ZNF577: variants seen among roughly 807,000 people sequenced by gnomAD.
The protein encoded by ZNF577 is zinc finger protein 577.
A neutral mutation model predicts 13.9 loss-of-function variants in ZNF577; 14 were observed. The ratio of observed to expected loss-of-function variants is 1.00; its 90% CI spans 0.66 to 1.57. ZNF577 has a LOEUF of 1.57. ZNF577 is among the 40% of genes most tolerant of loss of function. ZNF577 has a pLI of 0.00. For missense variants in ZNF577, 555 were observed against 579.2 expected, an observed-to-expected ratio of 0.96 and a Z score of 0.43; for synonymous variants, 203 against 202.9, an observed-to-expected ratio of 1.00 and a Z score of 0.00.
In ZNF577 at chr19:51,868,647, A is replaced by G. The variant is rs1335583169; in HGVS notation, c.*3885T>C. Among the ~76,000 whole-genome samples, 1 of 152,204 alleles carries G rather than the reference A, an allele frequency of 6.6e-6. No homozygotes were observed. The highest frequency in any genetic ancestry group is 2.4e-5 in the African/African-American group (1 of 41,462). On this transcript the variant is annotated 3_prime_UTR_variant, in exon 6 of 6. Coordinates refer to ENST00000638348, the MANE Select transcript of ZNF577 (RefSeq NM_001370449.1). ...ACAGAAGCCCCAGCAAGCACCGGCT[A>G]AGGTTCTGACTACTACCGTCTTCAA... is the stretch of plus-strand genomic sequence containing the variant.
In ZNF577 at chr19:51,887,767, GAAC is replaced by G. The variant is rs1191815472; in HGVS notation, c.-1168_-1166del. On this transcript the variant is annotated 5_prime_UTR_variant, in exon 1 of 6. Coordinates refer to ENST00000638348, the MANE Select transcript of ZNF577 (RefSeq NM_001370449.1). ...CGCAACACGGACCTCACGCGCTAGC[GAAC>G]AACAGAAAAAAAAAAGCGCGCTCTC... is the stretch of plus-strand genomic sequence containing the variant. 5 of 151,094 alleles carry G rather than the reference GAAC, an allele frequency of 3.3e-5. No individual in the cohort carries two copies. The highest frequency in any genetic ancestry group is 1.3e-4 in the Admixed American group (2 of 15,170). 9.4% of individuals were successfully genotyped at this position (151,094 alleles called of 1,614,324 possible). A position where few individuals can be genotyped will look rare whatever the true frequency, so the allele number is the denominator to read the frequency against.
rs1283118457 is a variant in ZNF577 at position 51,869,653 on chromosome 19, C to T, written c.*2879G>A. ...TATTTCTTTTCTCAGTCTCTCGTCC[C>T]CCCTGACGAGAAACACCCACAGGTG... is the stretch of plus-strand genomic sequence containing the variant. On this transcript the variant is annotated 3_prime_UTR_variant, in exon 6 of 6. Coordinates refer to ENST00000638348, the MANE Select transcript of ZNF577 (RefSeq NM_001370449.1). Among the ~76,000 whole-genome samples, 1 of 152,030 alleles carries T rather than the reference C, an allele frequency of 6.6e-6. No homozygotes were observed. Among genetic ancestry groups the T allele is most frequent in the Non-Finnish European group, 1.5e-5 (1 of 68,024 alleles).
intron 8 of ZNF577, among the ~76,000 whole-genome samples, chr19:51,842,253 A>G (rs1244385028): frequency 6.6e-6 from 1 of 152,194 alleles, no homozygotes; most frequent in Non-Finnish European, 1.5e-5. Flanking sequence ...ATAGAAATAT[A>G]GTGCTATGGT....
chr19:51,887,687 G>A lies in ZNF577; in HGVS notation c.-1085C>T, dbSNP rs1167032518. The A allele has an allele frequency of 6.6e-6, 1 of 152,076 alleles. No individual in the cohort carries two copies. Among genetic ancestry groups the A allele is most frequent in the African/African-American group, 2.4e-5 (1 of 41,376 alleles). The allele number at this position is 152,076 out of a possible 1,614,324, so 9.4% of individuals were successfully genotyped here. A position where few individuals can be genotyped will look rare whatever the true frequency, so the allele number is the denominator to read the frequency against. ...GAGACCATGGGCTCCCAGACTCTGG[G>A]AACTCCAACACGACTGCGAAACGAA... On this transcript the variant is annotated 5_prime_UTR_variant, in exon 1 of 6. Coordinates refer to ENST00000638348, the MANE Select transcript of ZNF577 (RefSeq NM_001370449.1).
At chr19:51,878,563 T>C in intron 3 of ZNF577, 48 bp from the exon 4 acceptor site, 1 of 1,608,268 alleles carries the variant, frequency 6.2e-7, no homozygotes, top group Non-Finnish European at 8.5e-7. Context: ...CAATAGATGA[T>C]GCGGAGAAGA....
chr19:51,843,053 C>G (rs17835105), intron 7 of ZNF577: 1 of 151,902 alleles, frequency 6.6e-6, no homozygotes, highest in Non-Finnish European at 1.5e-5. Context: ...GGTCACTGTA[C>G]GATTATAAAG....
intron 4 of ZNF577, 185 bp from the exon 5 acceptor site, chr19:51,877,562 C>A: frequency 4.3e-6 from 2 of 461,510 alleles, no homozygotes; most frequent in Non-Finnish European, 7.7e-6. Context: ...ACACCCATAC[C>A]CATTAGGATG....
intron 10 of ZNF577, among the ~76,000 whole-genome samples, chr19:51,808,607 A>T (rs1240669453): frequency 6.6e-6 from 1 of 152,222 alleles, no homozygotes; most frequent in African/African-American, 2.4e-5. Flanking sequence ...GATTAATAGA[A>T]GGCACAGAGA....
intron 5 of ZNF577, chr19:51,860,786 CAAGA>C (rs547355952): frequency 3.8e-5 from 11 of 288,060 alleles, no homozygotes; most frequent in Non-Finnish European, 7.2e-5. Context: ...TTTGCTATAA[CAAGA>C]AAGATAAACA....
chr19:51,857,230 C>T (rs150813580), intron 5 of ZNF577, among the ~76,000 whole-genome samples: 4,976 of 151,576 alleles, frequency 0.033, 248 homozygotes, highest in African/African-American at 0.1. Context: ...ACCCGGGAGG[C>T]GGAGGCTGCA....
In ZNF577 at chr19:51,873,323, A is replaced by C; in HGVS notation, c.667T>G (p.Phe223Val). Residue 223 changes from phenylalanine (F) to valine (V), a missense_variant, in exon 6 of 6, where the codon TTC becomes GTC. Phe to Val is a conservative substitution (Grantham distance 50). Transcript: ENST00000638348. ...ACCATGAGCTGTGACTTTCTGGAGA[A>C]GGCTTTTCCACATTCACTACATTCA... Reference protein sequence around the residue: ...PHECSECGKAFSRKSQLMVHQ... With the variant: ...PHECSECGKAVSRKSQLMVHQ... The C allele has an allele frequency of 1.2e-6, 2 of 1,614,180 alleles. No individual in the cohort carries two copies. The highest frequency in any genetic ancestry group is 2.2e-5 in the East Asian group (1 of 44,884).
chr19:51,873,269 G>T lies in ZNF577; in HGVS notation c.721C>A (p.Pro241Thr), dbSNP rs1356801714. Residue 241 changes from proline (P) to threonine (T), a missense_variant, in exon 6 of 6, where the codon CCC becomes ACC. Pro to Thr is a conservative substitution (Grantham distance 38). Transcript: ENST00000638348. ...VHQRTHTGEK[P>T]YRCSKCGKAF... ...TTTCCGCATTTGCTGCATCTGTAGG[G>T]TTTCTCTCCTGTATGGGTTCTCTGA... The T allele has an allele frequency of 6.2e-7, 1 of 1,613,222 alleles. No individual in the cohort carries two copies.
At position 51,872,820 on chromosome 19, in the gene ZNF577, A is replaced by G; in HGVS notation, c.1170T>C (p.Pro390=). 1 of 1,614,122 alleles carries G rather than the reference A, an allele frequency of 6.2e-7. No homozygotes were observed. Among genetic ancestry groups the G allele is most frequent in the South Asian group, 1.1e-5 (1 of 91,080 alleles). Residue 390 remains proline (P), a synonymous_variant, in exon 6 of 6, where the codon CCT becomes CCC. Coordinates refer to ENST00000638348, the MANE Select transcript of ZNF577 (RefSeq NM_001370449.1). ...TAINSLTVEK[P]SSRSHTSLYM... ...ATAAGGAGGTATGACTCCTTGAGGA[A>G]GGTTTCTCCACCGTCAGTGAATTTA...
At chr19:51,823,494 G>C (rs1303787608) in intron 9 of ZNF577, among the ~76,000 whole-genome samples, 1 of 152,188 alleles carries the variant, frequency 6.6e-6, no homozygotes, top group Non-Finnish European at 1.5e-5. Context: ...CTGGTGGACA[G>C]AGCCCTTTAA....
At chr19:51,858,693 T>TAA (rs144469062) in intron 5 of ZNF577, among the ~76,000 whole-genome samples, 16 of 151,286 alleles carry the variant, frequency 1.1e-4, no homozygotes, top group African/African-American at 3.9e-4. Flanking sequence ...CACATGGAGG[T>TAA]AAAAAAAAAC....
intron 10 of ZNF577, among the ~76,000 whole-genome samples, chr19:51,809,211 A>C (rs529532325): frequency 4.5e-4 from 68 of 152,330 alleles, no homozygotes; most frequent in African/African-American, 1.6e-3. Context: ...TATATTTTCA[A>C]CATAAGACTG....
chr19:51,863,236 C>T (rs1456328852), downstream of ZNF577: 1 of 152,150 alleles, frequency 6.6e-6, no homozygotes, highest in Non-Finnish European at 1.5e-5. Flanking sequence ...TTCACTGCAT[C>T]CATATGATTT....
At chr19:51,826,085 G>A (rs1001898419) in intron 9 of ZNF577, 9 of 158,044 alleles carry the variant, frequency 5.7e-5, no homozygotes, top group East Asian at 1.9e-4. Context: ...AAATATTAAC[G>A]TGATCATATT....
At chr19:51,842,452 A>G (rs1428793762) in intron 8 of ZNF577, among the ~76,000 whole-genome samples, 1 of 152,122 alleles carries the variant, frequency 6.6e-6, no homozygotes, top group Non-Finnish European at 1.5e-5. Context: ...TGAGAACCCA[A>G]CATTCATCCT....
Sources: allele counts gnomAD v4.1 joint callset (sites outside exome capture counted in the v4.1 genomes callset), GRCh38; gene constraint gnomAD v4.1.1; transcripts MANE v1.5; gene names NCBI Gene and HGNC (gene_info 2026-07-23, HGNC 2026-07-21).